GABRB1: variants seen among roughly 807,000 people sequenced by gnomAD.
The protein encoded by GABRB1 is gamma-aminobutyric acid receptor subunit beta-1.
Under a neutral mutation model 51.6 loss-of-function variants are expected in GABRB1, and 17 were observed. That is an observed-to-expected ratio of 0.33 (90% CI 0.23 to 0.49). The LOEUF is 0.49. Ranked by LOEUF, GABRB1 falls within the 20% of genes least tolerant of loss-of-function variation. GABRB1 has a pLI of 0.99. For missense variants in GABRB1, 410 were observed against 600.6 expected (o/e 0.68, Z 3.32); for synonymous variants, 247 against 218.9 (o/e 1.13, Z -1.14).
At chr4:47,362,970 A>G (rs540478563) in intron 5 of GABRB1, among the ~76,000 whole-genome samples, 2 of 152,156 alleles carry the variant, frequency 1.3e-5, no homozygotes, top group Non-Finnish European at 2.9e-5. Flanking sequence ...TGCTACACGA[A>G]GAAAGGTACC....
At chr4:47,201,325 A>T (rs1262766783) in intron 4 of GABRB1, among the ~76,000 whole-genome samples, 1 of 152,184 alleles carries the variant, frequency 6.6e-6, no homozygotes, top group Non-Finnish European at 1.5e-5. Flanking sequence ...GCTATACTTT[A>T]TCTAAAAAAA....
At chr4:47,096,479 G>A (rs1034223013) in intron 3 of GABRB1, among the ~76,000 whole-genome samples, 1 of 152,166 alleles carries the variant, frequency 6.6e-6, no homozygotes, top group Non-Finnish European at 1.5e-5. Flanking sequence ...TGGTTCGGTA[G>A]GCAGAATAAT....
chr4:47,403,461 G>T lies in GABRB1; in HGVS notation c.682+6G>T, dbSNP rs761080325. Reference sequence around the variant, plus strand: ...GAAGGTGGAGTTCACAACAGGTGAGGTTGTTTCCCCCAAAATGTACTAGGG... The same window carrying T: ...GAAGGTGGAGTTCACAACAGGTGAGTTTGTTTCCCCCAAAATGTACTAGGG... On this transcript the variant is annotated splice_donor_region_variant and intron_variant, in intron 6 of 8. Coordinates refer to ENST00000295454, the MANE Select transcript of GABRB1 (RefSeq NM_000812.4). The T allele has an allele frequency of 1.2e-6, 2 of 1,613,942 alleles. No individual in the cohort carries two copies. Among genetic ancestry groups the T allele is most frequent in the Admixed American group, 3.3e-5 (2 of 60,010 alleles).
intron 1 of GABRB1, among the ~76,000 whole-genome samples, chr4:47,023,931 T>C (rs1725009095): frequency 6.6e-6 from 1 of 152,008 alleles, no homozygotes; most frequent in Admixed American, 6.6e-5. Flanking sequence ...TTTTCTTATG[T>C]AACTCTTGTT....
At chr4:47,113,502 A>G (rs188234562) in intron 3 of GABRB1, among the ~76,000 whole-genome samples, 5 of 152,344 alleles carry the variant, frequency 3.3e-5, no homozygotes, top group East Asian at 1.9e-4. Flanking sequence ...ATACAAAATG[A>G]GAATTCAGAT....
intron 5 of GABRB1, among the ~76,000 whole-genome samples, chr4:47,398,563 G>T (rs62297827): frequency 0.15 from 21,795 of 140,650 alleles, 1,694 homozygotes; most frequent in African/African-American, 0.2. Flanking sequence ...TATATAGAGA[G>T]AGAGAGAGAG....
At chr4:47,092,198 G>A (rs1728335461) in intron 3 of GABRB1, among the ~76,000 whole-genome samples, 1 of 77,048 alleles carries the variant, frequency 1.3e-5, no homozygotes, top group South Asian at 4.5e-4. Context: ...TTGAGACCGA[G>A]TTTTGCTCTT....
At chr4:47,315,798 C>A (rs1466480425) in intron 4 of GABRB1, among the ~76,000 whole-genome samples, 1 of 151,900 alleles carries the variant, frequency 6.6e-6, no homozygotes, top group Non-Finnish European at 1.5e-5. Context: ...CCAAACACCA[C>A]ATGTTCTCAC....
chr4:47,023,315 C>G (rs907769569), intron 1 of GABRB1, among the ~76,000 whole-genome samples: 4 of 151,998 alleles, frequency 2.6e-5, no homozygotes, highest in African/African-American at 9.7e-5. Flanking sequence ...TTTAAAATAA[C>G]TTAAAGAGTG....
intron 4 of GABRB1, among the ~76,000 whole-genome samples, chr4:47,266,409 C>A (rs1722643235): frequency 6.6e-6 from 1 of 151,912 alleles, no homozygotes; most frequent in South Asian, 2.1e-4. Flanking sequence ...CATTTGGGCT[C>A]TTTTTTTGGT....
At chr4:47,008,438 A>C (rs1408824986) in intron 1 of GABRB1, among the ~76,000 whole-genome samples, 1 of 151,830 alleles carries the variant, frequency 6.6e-6, no homozygotes, top group Non-Finnish European at 1.5e-5. Flanking sequence ...ATGGACTATC[A>C]TTTCAGGAAA....
At chr4:47,376,405 G>A (rs1453950032) in intron 5 of GABRB1, among the ~76,000 whole-genome samples, 1 of 152,168 alleles carries the variant, frequency 6.6e-6, no homozygotes, top group African/African-American at 2.4e-5. Flanking sequence ...CCAGCACTTT[G>A]GGAGGTCGAG....
chr4:47,295,878 A>G (rs1291377792), intron 4 of GABRB1, among the ~76,000 whole-genome samples: 3 of 152,228 alleles, frequency 2.0e-5, no homozygotes, highest in African/African-American at 7.2e-5. Flanking sequence ...GTTAACCACA[A>G]TGGGAAGCCC....
At chr4:47,061,756 T>C (rs1176849009) in intron 3 of GABRB1, among the ~76,000 whole-genome samples, 2 of 152,196 alleles carry the variant, frequency 1.3e-5, no homozygotes, top group Non-Finnish European at 2.9e-5. Flanking sequence ...TCTTAGAATC[T>C]AATTTTATCA....
intron 4 of GABRB1, among the ~76,000 whole-genome samples, chr4:47,223,658 T>G (rs2109826831): frequency 6.6e-6 from 1 of 152,250 alleles, no homozygotes; most frequent in South Asian, 2.1e-4. Context: ...ATGTAGGCTT[T>G]GGAAATCAGG....
intron 4 of GABRB1, among the ~76,000 whole-genome samples, chr4:47,265,877 T>C (rs142644961): frequency 6.6e-6 from 1 of 152,320 alleles, no homozygotes; most frequent in Non-Finnish European, 1.5e-5. Context: ...TTGCAAAACA[T>C]TCTCTCTAAT....
intron 3 of GABRB1, among the ~76,000 whole-genome samples, chr4:47,144,896 A>C (rs772924573): frequency 6.6e-6 from 1 of 151,928 alleles, no homozygotes. Context: ...GATCATGACC[A>C]CGCATGCCAA....
At chr4:47,054,223 C>T (rs1397691241) in intron 3 of GABRB1, among the ~76,000 whole-genome samples, 1 of 151,962 alleles carries the variant, frequency 6.6e-6, no homozygotes, top group East Asian at 1.9e-4. Context: ...TGAACAGTTA[C>T]AGGCAGAACC....
At chr4:47,388,252 C>T (rs1438701663) in intron 5 of GABRB1, among the ~76,000 whole-genome samples, 2 of 152,016 alleles carry the variant, frequency 1.3e-5, no homozygotes, top group South Asian at 2.1e-4. Flanking sequence ...TGATATAATG[C>T]CTGGAGTCTA....
Sources: allele counts gnomAD v4.1 joint callset (sites outside exome capture counted in the v4.1 genomes callset), GRCh38; gene constraint gnomAD v4.1.1; transcripts MANE v1.5; gene names NCBI Gene and HGNC (gene_info 2026-07-23, HGNC 2026-07-21).